The following RAPGEF6 variants were observed in gnomAD, a reference collection of about 807,000 sequenced individuals.
The protein encoded by RAPGEF6 is PDZ domain containing guanine nucleotide exchange factor (GEF) 2.
A neutral mutation model predicts 171.4 loss-of-function variants in RAPGEF6; 56 were observed. That is an observed-to-expected ratio of 0.33 (90% CI 0.26 to 0.41). The LOEUF is 0.41. Among genes scored for constraint, RAPGEF6 ranks in the 10% least tolerant of loss-of-function variants. The pLI, the probability that RAPGEF6 is intolerant of heterozygous loss-of-function variation, is 1.00. For missense variants in RAPGEF6, 1,674 were observed against 1,921.4 expected, an observed-to-expected ratio of 0.87 and a Z score of 2.41; for synonymous variants, 692 against 650.1, an observed-to-expected ratio of 1.06 and a Z score of -0.98.
intron 3 of RAPGEF6, among the ~76,000 whole-genome samples, chr5:131,593,895 G>C (rs1173882764): frequency 6.6e-6 from 1 of 152,238 alleles, no homozygotes; most frequent in Non-Finnish European, 1.5e-5. Context: ...AAGGGAAGCA[G>C]AGCATAAAAG....
At chr5:131,472,036 C>T (rs1463113469) in intron 17 of RAPGEF6, 1 of 158,092 alleles carries the variant, frequency 6.3e-6, no homozygotes, top group African/African-American at 2.4e-5. Context: ...CTAAAAGATA[C>T]CTAATTCTGT....
intron 15 of RAPGEF6, among the ~76,000 whole-genome samples, chr5:131,481,874 T>G (rs1017036547): frequency 6.6e-6 from 1 of 152,176 alleles, no homozygotes; most frequent in African/African-American, 2.4e-5. Context: ...TGCTGCACCT[T>G]TTTTTATTTT....
intron 2 of RAPGEF6, 21 bp downstream of exon 2, chr5:131,604,602 T>A: frequency 6.2e-7 from 1 of 1,608,824 alleles, no homozygotes; most frequent in Non-Finnish European, 8.5e-7. Context: ...CGTGTGCTCT[T>A]AAATACAGAA....
At chr5:131,445,493 C>CTTGTGTGTGTGTGTGTGTGTGTGTGTGTG (rs1554070849) in intron 22 of RAPGEF6, among the ~76,000 whole-genome samples, 2 of 147,224 alleles carry the variant, frequency 1.4e-5, no homozygotes, top group African/African-American at 5.1e-5. Context: ...AACTCACTCT[C>CTTGTGTGTGTGTGTGTGTGTGTGTGTGTG]TGTGTGTGTG....
At chr5:131,467,492 C>A (rs968522483) in intron 17 of RAPGEF6, among the ~76,000 whole-genome samples, 1 of 152,180 alleles carries the variant, frequency 6.6e-6, no homozygotes. Flanking sequence ...AGAATTATTA[C>A]GTATATATTA....
At position 131,634,974 on chromosome 5, in the gene RAPGEF6, C is replaced by T; in HGVS notation, c.57G>A (p.Glu19=). Residue 19 remains glutamate (E), a synonymous_variant, in exon 1 of 28, where the codon GAG becomes GAA. Coordinates refer to ENST00000509018, the MANE Select transcript of RAPGEF6 (RefSeq NM_016340.6). ...ARQALRKKPP[E]RTPEDLNTIY... Reference sequence around the variant, plus strand: ...CAACCAGCCTCACCTCGGGAGTCCGCTCGGGTGGCTTCTTCCTCAACGCCT... The same window carrying T: ...CAACCAGCCTCACCTCGGGAGTCCGTTCGGGTGGCTTCTTCCTCAACGCCT... 6.2e-7 allele frequency: 1 copy of T among 1,614,096 alleles called. No homozygotes were observed. Among genetic ancestry groups the T allele is most frequent in the Non-Finnish European group, 8.5e-7 (1 of 1,179,910 alleles).
rs546282139 is a variant in RAPGEF6, at chr5:131,585,329, CATACATAT to C, written c.281+7046_281+7053del. Among the ~76,000 whole-genome samples, 462 of 148,966 alleles carry C rather than the reference CATACATAT, an allele frequency of 3.1e-3. 3 individuals carry two copies. Among genetic ancestry groups the C allele is most frequent in the African/African-American group, 0.011 (440 of 39,622 alleles). ...ACATACATACATACATACATACATA[CATACATAT>C]ATATCTCCATGGCCTTGTGAAAGCA... is the stretch of plus-strand genomic sequence containing the variant. On this transcript the variant is annotated intron_variant, in intron 4 of 27. Transcript: ENST00000509018.
chr5:131,496,977 G>A (rs766412293), intron 12 of RAPGEF6, among the ~76,000 whole-genome samples: 2 of 151,938 alleles, frequency 1.3e-5, no homozygotes, highest in Non-Finnish European at 2.9e-5. Context: ...ATCAATGTGT[G>A]TAGGGTGGGG....
At chr5:131,494,495 C>A (rs1306939230) in intron 13 of RAPGEF6, among the ~76,000 whole-genome samples, 1 of 152,042 alleles carries the variant, frequency 6.6e-6, no homozygotes, top group Non-Finnish European at 1.5e-5. Flanking sequence ...AACAGAGTTT[C>A]AATAGGTGAG....
chr5:131,548,166 C>G lies in RAPGEF6; in HGVS notation c.376G>C (p.Asp126His), dbSNP rs1760675063. ...GGAATTTCTCTTTGTAGAATACTAT[C>G]TTCATTATCTTTGGCATTCTCTACC... The part of the protein sequence containing the change: ...IVVENAKDNE[D>H]SILQREIPAR... Residue 126 changes from aspartate (D) to histidine (H), a missense_variant, in exon 6 of 28, where the codon GAT becomes CAT. This residue lies in a region of RAPGEF6 where 1,116 missense variants were observed against 1,321.5 expected (regional missense o/e 0.84). Transcript: ENST00000509018. The G allele has an allele frequency of 6.2e-7, 1 of 1,613,772 alleles. No individual in the cohort carries two copies. Among genetic ancestry groups the G allele is most frequent in the Non-Finnish European group, 8.5e-7 (1 of 1,179,862 alleles).
Position 131,445,493 on chromosome 5 carries a change from C to CTGTGTGTGTGTGTGTGTGTGTGTGTGTG in RAPGEF6, c.3421+989_3421+990insCACACACACACACACACACACACACACA, listed in dbSNP as rs11269268. On this transcript the variant is annotated intron_variant, in intron 22 of 27. Transcript: ENST00000509018. ...TTTATGGGCAAATTTAACTCACTCT[C>CTGTGTGTGTGTGTGTGTGTGTGTGTGTG]TGTGTGTGTGTGTGTGTGTGTGTGT... Among the ~76,000 whole-genome samples, 577 of 147,292 alleles carry CTGTGTGTGTGTGTGTGTGTGTGTGTGTG rather than the reference C, an allele frequency of 3.9e-3. 7 individuals carry two copies. The highest frequency in any genetic ancestry group is 0.014 in the African/African-American group (536 of 39,332).
chr5:131,469,666 C>T, intron 17 of RAPGEF6: 4 of 589,616 alleles, frequency 6.8e-6, no homozygotes, highest in Non-Finnish European at 1.1e-5. Context: ...CCAGTTAATA[C>T]TGGCTACCTT....
At chr5:131,559,002 G>C (rs1402345167) in intron 5 of RAPGEF6, among the ~76,000 whole-genome samples, 1 of 152,056 alleles carries the variant, frequency 6.6e-6, no homozygotes, top group African/African-American at 2.4e-5. Flanking sequence ...CTGACTCATG[G>C]TGGTTGTTTT....
At chr5:131,528,246 TATAA>T (rs1321500892) in intron 6 of RAPGEF6, among the ~76,000 whole-genome samples, 1 of 129,822 alleles carries the variant, frequency 7.7e-6, no homozygotes, top group African/African-American at 3.0e-5. Flanking sequence ...ATATCATATA[TATAA>T]ATAAAATAAA....
At chr5:131,435,713 C>A in intron 24 of RAPGEF6, 1 of 695,680 alleles carries the variant, frequency 1.4e-6, no homozygotes, top group Non-Finnish European at 2.1e-6. Context: ...CTACATATTT[C>A]ACTCACAGAT....
intron 4 of RAPGEF6, among the ~76,000 whole-genome samples, chr5:131,573,896 A>G (rs1040344136): frequency 1.3e-5 from 2 of 152,182 alleles, no homozygotes; most frequent in African/African-American, 2.4e-5. Flanking sequence ...TCCTGACATT[A>G]GGAAAAAATT....
At chr5:131,569,904 T>A (rs542831485) in intron 4 of RAPGEF6, among the ~76,000 whole-genome samples, 15 of 151,866 alleles carry the variant, frequency 9.9e-5, no homozygotes, top group Non-Finnish European at 1.9e-4. Flanking sequence ...TAGCCAGGCG[T>A]AGTAGTGGGC....
At chr5:131,427,338 G>A (rs1219638337) in intron 27 of RAPGEF6, 47 bp from the exon 28 acceptor site, 1 of 1,461,320 alleles carries the variant, frequency 6.8e-7, no homozygotes, top group East Asian at 2.3e-5. Context: ...GCATATTAAT[G>A]AGATCCTAAT....
intron 17 of RAPGEF6, among the ~76,000 whole-genome samples, chr5:131,465,202 A>C (rs76250506): frequency 0.051 from 7,760 of 152,164 alleles, 356 homozygotes; most frequent in African/African-American, 0.12. Flanking sequence ...TTAAATGTTC[A>C]CCTGGTGAAA....
Sources: allele counts gnomAD v4.1 joint callset (sites outside exome capture counted in the v4.1 genomes callset), GRCh38; gene constraint gnomAD v4.1.1; regional missense constraint gnomAD v4.1.1; transcripts MANE v1.5; gene names NCBI Gene and HGNC (gene_info 2026-07-23, HGNC 2026-07-21).